Variants in HNRNPUL1 observed in about 807,000 individuals in gnomAD.
HNRNPUL1 encodes heterogeneous nuclear ribonucleoprotein U like 1, also known as heterogeneous nuclear ribonucleoprotein U-like protein 1.
In HNRNPUL1, 14 loss-of-function variants were observed where a neutral mutation model predicts 108.5. That is an observed-to-expected ratio of 0.13 (90% CI 0.09 to 0.20). The LOEUF (loss-of-function observed/expected upper bound fraction) is 0.20. HNRNPUL1 is among the 10% of genes least tolerant of loss of function. The pLI is 1.00. For missense variants in HNRNPUL1, 804 were observed against 1,168.3 expected, an observed-to-expected ratio of 0.69 and a Z score of 4.55; for synonymous variants, 422 against 445.2, an observed-to-expected ratio of 0.95 and a Z score of 0.66.
In HNRNPUL1 at chr19:41,273,966, C is replaced by T; in HGVS notation, c.573-16C>T. 1 of 1,606,808 alleles carries T rather than the reference C, an allele frequency of 6.2e-7. No homozygotes were observed. Among genetic ancestry groups the T allele is most frequent in the Non-Finnish European group, 8.5e-7 (1 of 1,173,706 alleles). On this transcript the variant is annotated splice_polypyrimidine_tract_variant and intron_variant, in intron 3 of 14. Coordinates refer to ENST00000392006, the MANE Select transcript of HNRNPUL1 (RefSeq NM_007040.6). ...TCCATTGTTCTTGTATGACTTAACC[C>T]CTGTTTCTAATACAGGGGCCGCTCT...
At position 41,264,545 on chromosome 19, in the gene HNRNPUL1, G is replaced by C. The variant is rs757286884; in HGVS notation, c.42G>C (p.Glu14Asp). The stretch of plus-strand genomic sequence containing the variant: ...TGAAGGTGAACGAACTTCGCGAGGA[G>C]CTGCAGCGCCGCGGCCTGGACACTC... Reference protein sequence around the residue: ...RRLKVNELREELQRRGLDTRG... With the variant: ...RRLKVNELREDLQRRGLDTRG... Residue 14 changes from glutamate to aspartate, a missense_variant, in exon 1 of 15, where the codon GAG becomes GAC. By Grantham distance (45) the Glu-to-Asp change is conservative (BLOSUM62 2). Around this residue, in one of 4 missense-constraint regions of HNRNPUL1, gnomAD observed 256 missense variants for 261.6 expected, o/e 0.98. Transcript: ENST00000392006. 6.7e-7 allele frequency: 1 copy of C among 1,501,614 alleles called. No homozygotes were observed. Among genetic ancestry groups the C allele is most frequent in the Non-Finnish European group, 8.9e-7 (1 of 1,127,754 alleles). The allele number at this position is 1,501,614 out of a possible 1,614,324, so 93.0% of individuals were successfully genotyped here. A position where few individuals can be genotyped will look rare whatever the true frequency, so the allele number is the denominator to read the frequency against.
rs12745 is a variant in HNRNPUL1 at position 41,305,825 on chromosome 19, T to C, written c.2412T>C (p.Thr804=). The C allele has an allele frequency of 0.99, 1,594,269 of 1,609,336 alleles. 789,714 individuals carry two copies. The highest frequency in any genetic ancestry group is 1 in the East Asian group (44,720 of 44,728). Residue 804 remains threonine (T), a synonymous_variant, in exon 14 of 15, where the codon ACT becomes ACC. Coordinates refer to ENST00000392006, the MANE Select transcript of HNRNPUL1 (RefSeq NM_007040.6). ...CCTATACCCCACCGCCACCCCCCAC[T>C]GCACAGACCTACCCTCAGCCCAGCT... ...PAPYTPPPPP[T]AQTYPQPSYN... is the part of the protein sequence containing the mutation.
chr19:41,301,069 CTT>C (rs2037183250), intron 10 of HNRNPUL1, among the ~76,000 whole-genome samples: 1 of 152,170 alleles, frequency 6.6e-6, no homozygotes, highest in Admixed American at 6.5e-5. Context: ...TAATACAATT[CTT>C]TTTGTGTAAA....
At position 41,268,315 on chromosome 19, in the gene HNRNPUL1, G is replaced by A; in HGVS notation, c.388G>A (p.Glu130Lys). The A allele has an allele frequency of 6.2e-7, 1 of 1,614,014 alleles. No individual in the cohort carries two copies. Among genetic ancestry groups the A allele is most frequent in the Non-Finnish European group, 8.5e-7 (1 of 1,179,954 alleles). The change falls in exon 2 of 15, where the codon GAA (glutamate) becomes AAA (lysine). Residue 130 changes from glutamate to lysine, a missense_variant. Glu to Lys is a moderately conservative substitution (Grantham distance 56). Around this residue, in one of 4 missense-constraint regions of HNRNPUL1, gnomAD observed 256 missense variants for 261.6 expected, o/e 0.98. Coordinates refer to ENST00000392006, the MANE Select transcript of HNRNPUL1 (RefSeq NM_007040.6). ...NESGYERRPL[E>K]MEQQQAYRPE... Reference sequence around the variant, plus strand: ...GTCAGGCTACGAGAGGAGACCACTGGAAATGGAGCAGCAGCAGGCCTATCG... The same window carrying A: ...GTCAGGCTACGAGAGGAGACCACTGAAAATGGAGCAGCAGCAGGCCTATCG...
At chr19:41,268,422 T>C (rs2034993970) in intron 2 of HNRNPUL1, 77 bp downstream of exon 2, 1 of 1,470,948 alleles carries the variant, frequency 6.8e-7, no homozygotes, top group East Asian at 2.4e-5. Context: ...TTAGAGCGGG[T>C]CTTCCCAGAG....
At chr19:41,270,923 T>C (rs2035196126) in intron 2 of HNRNPUL1, among the ~76,000 whole-genome samples, 1 of 152,044 alleles carries the variant, frequency 6.6e-6, no homozygotes, top group African/African-American at 2.4e-5. Flanking sequence ...GATTGAGGAG[T>C]TGGCTTGTCC....
chr19:41,290,765 T>C (rs1257754242), intron 7 of HNRNPUL1, among the ~76,000 whole-genome samples: 2 of 152,138 alleles, frequency 1.3e-5, no homozygotes, highest in African/African-American at 4.8e-5. Context: ...CCTTCTAAAA[T>C]GGGATCATAG....
intron 7 of HNRNPUL1, among the ~76,000 whole-genome samples, chr19:41,282,402 G>A (rs1008256585): frequency 3.9e-5 from 6 of 152,178 alleles, no homozygotes; most frequent in African/African-American, 9.6e-5. Context: ...GGCTGGTCTC[G>A]AACTCCCGAC....
intron 6 of HNRNPUL1, among the ~76,000 whole-genome samples, chr19:41,280,148 G>A (rs1201180199): frequency 6.6e-6 from 1 of 152,272 alleles, no homozygotes; most frequent in Non-Finnish European, 1.5e-5. Flanking sequence ...ACTCACAAGT[G>A]TTTGTTTAAA....
At chr19:41,304,314 C>G in intron 13 of HNRNPUL1, 53 bp downstream of exon 13, 1 of 1,537,868 alleles carries the variant, frequency 6.5e-7, no homozygotes, top group Non-Finnish European at 8.8e-7. Context: ...TGCTTTTGAA[C>G]CTGAGCAAGT....
intron 7 of HNRNPUL1, among the ~76,000 whole-genome samples, chr19:41,281,515 G>A (rs1361120705): frequency 6.6e-6 from 1 of 151,934 alleles, no homozygotes; most frequent in African/African-American, 2.4e-5. Flanking sequence ...GGGACTTCAG[G>A]TGTGCATAGC....
chr19:41,284,787 G>A (rs1446146813), intron 7 of HNRNPUL1, among the ~76,000 whole-genome samples: 1 of 152,102 alleles, frequency 6.6e-6, no homozygotes. Flanking sequence ...CACGAGGTCA[G>A]GAGATCAAGA....
Position 41,264,525 on chromosome 19 carries a change from G to A in HNRNPUL1, c.22G>A (p.Val8Met), listed in dbSNP as rs1011146280. The change falls in exon 1 of 15, where the codon GTG (valine) becomes ATG (methionine). Residue 8 changes from valine to methionine, a missense_variant. Coordinates refer to ENST00000392006, the MANE Select transcript of HNRNPUL1 (RefSeq NM_007040.6). MDVRRLK[V>M]NELREELQRR... ...GGCCATGGATGTGCGCCGTCTGAAG[G>A]TGAACGAACTTCGCGAGGAGCTGCA... The A allele has an allele frequency of 1.8e-5, 26 of 1,466,938 alleles. No homozygotes were observed. The highest frequency in any genetic ancestry group is 2.3e-5 in the Admixed American group (1 of 43,642). 90.9% of individuals were successfully genotyped at this position (1,466,938 alleles called of 1,614,324 possible).
At chr19:41,298,598 C>T (rs777042472) in intron 10 of HNRNPUL1, 1 of 152,172 alleles carries the variant, frequency 6.6e-6, no homozygotes, top group African/African-American at 2.4e-5. Context: ...TTCCCTTCCC[C>T]AAACGAAGGA....
At chr19:41,287,620 C>A (rs796726044) in intron 7 of HNRNPUL1, among the ~76,000 whole-genome samples, 1 of 152,038 alleles carries the variant, frequency 6.6e-6, no homozygotes, top group Non-Finnish European at 1.5e-5. Context: ...AGTGCAGTGG[C>A]GCAATCTCAG....
chr19:41,302,756 G>A lies in HNRNPUL1; in HGVS notation c.1779G>A (p.Gln593=), dbSNP rs1311532981. The part of the protein sequence containing the change: ...QREEADKLVR[Q]YNEEGRKAGP... ...AGGAAGCGGACAAGCTAGTGAGGCA[G>A]TACAACGAGGAAGGCCGCAAGGCTG... is the stretch of plus-strand genomic sequence containing the variant. Residue 593 remains glutamine, a synonymous_variant, in exon 12 of 15, where the codon CAG becomes CAA. Coordinates refer to ENST00000392006, the MANE Select transcript of HNRNPUL1 (RefSeq NM_007040.6). The A allele has an allele frequency of 3.7e-6, 6 of 1,614,062 alleles. No homozygotes were observed. The highest frequency in any genetic ancestry group is 5.1e-6 in the Non-Finnish European group (6 of 1,179,920).
intron 1 of HNRNPUL1, among the ~76,000 whole-genome samples, chr19:41,265,594 C>G (rs775783509): frequency 2.0e-5 from 3 of 152,082 alleles, no homozygotes; most frequent in Non-Finnish European, 2.9e-5. Flanking sequence ...CCCTGGTGTC[C>G]AGAGGCTGGC....
rs2037610828 is a variant in HNRNPUL1, at chr19:41,307,593, A to T, written c.*1028A>T. The T allele has an allele frequency of 6.6e-6, 1 of 152,476 alleles. No individual in the cohort carries two copies. The highest frequency in any genetic ancestry group is 1.5e-5 in the Non-Finnish European group (1 of 68,014). The allele number at this position is 152,476 out of a possible 1,614,324, so 9.4% of individuals were successfully genotyped here. ...TTTTAACATGATTTTAACAAACTGC[A>T]CTTATTAAGAAATGTGTTTGCCCTG... On this transcript the variant is annotated 3_prime_UTR_variant, in exon 15 of 15. Transcript: ENST00000392006.
rs550085471 is a variant in HNRNPUL1 at position 41,270,052 on chromosome 19, A to G, written c.418+1707A>G. ...GGCTGGAGGGCGATGGCGCGATCTC[A>G]GCTCACTGCAACCTCCGCCTCTCGG... On this transcript the variant is annotated intron_variant, in intron 2 of 14. Coordinates refer to ENST00000392006, the MANE Select transcript of HNRNPUL1 (RefSeq NM_007040.6). Among the ~76,000 whole-genome samples, 6 of 151,626 alleles carry G rather than the reference A, an allele frequency of 4.0e-5. No individual in the cohort carries two copies. In the South Asian group the frequency reaches 1.2e-3, roughly 32 times the overall value.
Sources: allele counts gnomAD v4.1 joint callset (sites outside exome capture counted in the v4.1 genomes callset), GRCh38; gene constraint gnomAD v4.1.1; regional missense constraint gnomAD v4.1.1; transcripts MANE v1.5; gene names NCBI Gene and HGNC (gene_info 2026-07-23, HGNC 2026-07-21).